Variants in CSTPP1 observed in about 807,000 individuals in gnomAD.
The protein encoded by CSTPP1 is UPF0705 protein C11orf49.
At chr11:47,136,433 C>T in the CSTPP1 span, among the ~76,000 whole-genome samples, 1 of 152,178 alleles carries the variant, frequency 6.6e-6, no homozygotes, top group Non-Finnish European at 1.5e-5. Context: ...CCTATATTGA[C>T]GCTGAGTCTG....
At chr11:47,128,447 T>A in the CSTPP1 span, among the ~76,000 whole-genome samples, 1 of 152,192 alleles carries the variant, frequency 6.6e-6, no homozygotes, top group Non-Finnish European at 1.5e-5. Context: ...AGTGGTGCAA[T>A]CATGGCTCAT....
chr11:47,066,053 GTTATT>G, the CSTPP1 span, among the ~76,000 whole-genome samples: 63 of 143,328 alleles, frequency 4.4e-4, no homozygotes, highest in Non-Finnish European at 8.6e-4. Context: ...GTGAACAGAG[GTTATT>G]TTATTTCTTT....
the CSTPP1 span, among the ~76,000 whole-genome samples, chr11:47,115,918 G>A: frequency 6.6e-6 from 1 of 151,936 alleles, no homozygotes; most frequent in South Asian, 2.1e-4. Context: ...TTAGGGTGTC[G>A]ATTTTAGATC....
the CSTPP1 span, among the ~76,000 whole-genome samples, chr11:47,154,102 A>G: frequency 6.6e-6 from 1 of 151,978 alleles, no homozygotes; most frequent in East Asian, 1.9e-4. Context: ...ATGCCCAGCT[A>G]ATTTTTCTAT....
the CSTPP1 span, chr11:47,053,115 C>A: frequency 4.6e-5 from 7 of 152,610 alleles, no homozygotes; most frequent in African/African-American, 1.7e-4. Flanking sequence ...ACTGTTTGAT[C>A]TAAGCTGGGA....
the CSTPP1 span, among the ~76,000 whole-genome samples, chr11:47,086,856 G>C: frequency 6.6e-6 from 1 of 152,174 alleles, no homozygotes; most frequent in Non-Finnish European, 1.5e-5. Context: ...GAAGGAACGG[G>C]AGTAGACAAT....
At chr11:47,104,107 C>T in the CSTPP1 span, among the ~76,000 whole-genome samples, 1 of 152,298 alleles carries the variant, frequency 6.6e-6, no homozygotes, top group Non-Finnish European at 1.5e-5. Flanking sequence ...TTTCATGGTG[C>T]GACAATGAGC....
chr11:47,016,839 C>CTTTTTTTTTTTTTTTT, the CSTPP1 span, among the ~76,000 whole-genome samples: 2 of 99,826 alleles, frequency 2.0e-5, no homozygotes, highest in Non-Finnish European at 3.8e-5. Context: ...TCATTTAGTA[C>CTTTTTTTTTTTTTTTT]TTTTTTTTTT....
At chr11:46,984,515 A>G in the CSTPP1 span, among the ~76,000 whole-genome samples, 9 of 152,304 alleles carry the variant, frequency 5.9e-5, no homozygotes, top group Admixed American at 3.3e-4. Context: ...TTAAACATGC[A>G]TGGTCCAATA....
At chr11:47,033,763 T>G in the CSTPP1 span, among the ~76,000 whole-genome samples, 1 of 152,206 alleles carries the variant, frequency 6.6e-6, no homozygotes, top group Non-Finnish European at 1.5e-5. Context: ...TCTATCAGGA[T>G]TCTCTTCCAT....
chr11:47,111,630 T>C, the CSTPP1 span, among the ~76,000 whole-genome samples: 1 of 152,182 alleles, frequency 6.6e-6, no homozygotes, highest in African/African-American at 2.4e-5. Flanking sequence ...AGTTCAGTTT[T>C]CTGAGCACCT....
chr11:47,041,230 G>T, the CSTPP1 span: 1 of 226,702 alleles, frequency 4.4e-6, no homozygotes, highest in Non-Finnish European at 9.4e-6. Context: ...GGGAAGAGAA[G>T]CTGGGTGATG....
chr11:46,965,899 C>T, the CSTPP1 span, among the ~76,000 whole-genome samples: 1 of 152,242 alleles, frequency 6.6e-6, no homozygotes, highest in African/African-American at 2.4e-5. Flanking sequence ...ATGTGCACTA[C>T]GAAAGGACAT....
At chr11:47,044,475 G>A in the CSTPP1 span, among the ~76,000 whole-genome samples, 2 of 151,954 alleles carry the variant, frequency 1.3e-5, no homozygotes, top group African/African-American at 2.4e-5. Context: ...CATTACTTAG[G>A]CTGAACAGAC....
chr11:47,036,241 T>TA, the CSTPP1 span, among the ~76,000 whole-genome samples: 3 of 53,312 alleles, frequency 5.6e-5, no homozygotes, highest in South Asian at 1.0e-3. Context: ...ATATATTATA[T>TA]TTATATATTA....
chr11:46,997,665 C>T, the CSTPP1 span, among the ~76,000 whole-genome samples: 1 of 152,178 alleles, frequency 6.6e-6, no homozygotes, highest in Non-Finnish European at 1.5e-5. Flanking sequence ...AGCTTTTCTG[C>T]TCTGGTTTCT....
At chr11:47,096,576 C>T in the CSTPP1 span, among the ~76,000 whole-genome samples, 29 of 152,288 alleles carry the variant, frequency 1.9e-4, no homozygotes, top group Middle Eastern at 3.4e-3. Context: ...TTATCTCAAG[C>T]AATAGAAAAC....
the CSTPP1 span, among the ~76,000 whole-genome samples, chr11:46,978,313 C>T: frequency 5.9e-4 from 90 of 152,304 alleles, no homozygotes; most frequent in African/African-American, 2.1e-3. Context: ...AAGATCACTT[C>T]TGGCTGGGAC....
the CSTPP1 span, among the ~76,000 whole-genome samples, chr11:46,983,016 G>C: frequency 1.3e-5 from 2 of 152,276 alleles, no homozygotes; most frequent in African/African-American, 4.8e-5. Flanking sequence ...TCCAGGTTCA[G>C]TTGGCTCAAG....
Sources: gnomAD v4.1 joint callset for allele counts (sites outside exome capture counted in the v4.1 genomes callset) on GRCh38, gnomAD v4.1.1 for gene constraint, MANE v1.5 for transcripts, NCBI Gene and HGNC (gene_info 2026-07-23, HGNC 2026-07-21) for gene names.